The following RALGAPA1 variants were observed in gnomAD, a reference collection of about 807,000 sequenced individuals.
RALGAPA1 encodes the protein ral GTPase-activating protein subunit alpha-1.
Under a neutral mutation model 269.6 loss-of-function variants are expected in RALGAPA1, and 52 were observed. The observed-to-expected ratio is 0.19, with a 90% CI of 0.15 to 0.24. RALGAPA1 has a LOEUF of 0.24. RALGAPA1 is among the 10% of genes least tolerant of loss of function. The pLI is 1.00. For synonymous variants in RALGAPA1, 817 were observed against 1,008.3 expected (o/e 0.81, Z 3.60); for missense variants, 1,917 against 3,013.9 (o/e 0.64, Z 8.52).
chr14:35,718,644 C>T (rs1459965990), intron 16 of RALGAPA1, among the ~76,000 whole-genome samples: 4 of 151,796 alleles, frequency 2.6e-5, no homozygotes, highest in Admixed American at 6.6e-5. Context: ...GGTGAAACTC[C>T]GTGTCCACTA....
At chr14:35,655,262 T>G (rs1476307819) in intron 29 of RALGAPA1, among the ~76,000 whole-genome samples, 8 of 152,156 alleles carry the variant, frequency 5.3e-5, no homozygotes, top group Non-Finnish European at 1.2e-4. Flanking sequence ...ATACAGGTGC[T>G]GTGGGTTTTA....
chr14:35,647,552 C>T (rs2062516305), intron 31 of RALGAPA1, among the ~76,000 whole-genome samples: 1 of 151,928 alleles, frequency 6.6e-6, no homozygotes, highest in African/African-American at 2.4e-5. Flanking sequence ...TAATAAAAAC[C>T]CAATTCAAAA....
chr14:35,544,280 T>C (rs891833248), intron 41 of RALGAPA1, among the ~76,000 whole-genome samples: 2 of 152,170 alleles, frequency 1.3e-5, no homozygotes, highest in Non-Finnish European at 2.9e-5. Context: ...ATTTATAATT[T>C]GTAAATATGA....
At chr14:35,738,082 T>TC (rs2071196823) in intron 12 of RALGAPA1, among the ~76,000 whole-genome samples, 2 of 138,214 alleles carry the variant, frequency 1.4e-5, no homozygotes, top group Non-Finnish European at 1.5e-5. Flanking sequence ...GAGCGAAAAC[T>TC]CCATCTCAAA....
chr14:35,696,903 A>G (rs2066945333), intron 17 of RALGAPA1, among the ~76,000 whole-genome samples: 1 of 152,210 alleles, frequency 6.6e-6, no homozygotes, highest in East Asian at 1.9e-4. Flanking sequence ...CTTTCTTATT[A>G]ATTCTCTGCA....
chr14:35,756,644 A>G (rs2073202235), intron 7 of RALGAPA1, 149 bp downstream of exon 7: 2 of 476,606 alleles, frequency 4.2e-6, no homozygotes, highest in African/African-American at 4.0e-5. Context: ...AGCTAATTAA[A>G]AGCAAGCCAT....
chr14:35,634,198 T>C (rs1028183596), intron 33 of RALGAPA1, among the ~76,000 whole-genome samples: 71 of 152,230 alleles, frequency 4.7e-4, no homozygotes, highest in African/African-American at 1.7e-3. Context: ...AAATTTTGAG[T>C]GTTGGCATGA....
chr14:35,727,310 C>CTAT (rs1272821476), intron 13 of RALGAPA1, among the ~76,000 whole-genome samples: 4 of 104,476 alleles, frequency 3.8e-5, no homozygotes, highest in African/African-American at 1.2e-4. Flanking sequence ...AAAATTATGG[C>CTAT]ATATATATAT....
chr14:35,777,801 A>C (rs1595522984), intron 1 of RALGAPA1, among the ~76,000 whole-genome samples: 1 of 152,096 alleles, frequency 6.6e-6, no homozygotes, highest in Non-Finnish European at 1.5e-5. Context: ...CGCCCGCCTC[A>C]GTCTCCCAAA....
chr14:35,693,526 C>T (rs1288919313), intron 17 of RALGAPA1, among the ~76,000 whole-genome samples: 5 of 151,830 alleles, frequency 3.3e-5, no homozygotes, highest in African/African-American at 1.2e-4. Context: ...TGTCCTCTTA[C>T]TCTCCCAGAG....
chr14:35,769,394 A>G (rs1595495006), intron 4 of RALGAPA1, among the ~76,000 whole-genome samples: 1 of 152,248 alleles, frequency 6.6e-6, no homozygotes, highest in East Asian at 1.9e-4. Flanking sequence ...AGTGGGAGCT[A>G]AACACTGGGT....
At chr14:35,541,830 T>G in intron 41 of RALGAPA1, 1 of 457,542 alleles carries the variant, frequency 2.2e-6, no homozygotes, top group South Asian at 1.5e-5. Context: ...AGAAATGGAG[T>G]AGCAAGCAGA....
At chr14:35,678,266 A>G (rs1011395385) in intron 21 of RALGAPA1, among the ~76,000 whole-genome samples, 164 bp from the exon 22 acceptor site, 17 of 152,208 alleles carry the variant, frequency 1.1e-4, no homozygotes, top group Non-Finnish European at 1.8e-4. Flanking sequence ...ACAAGCTTTT[A>G]TATCTAGGAG....
intron 16 of RALGAPA1, among the ~76,000 whole-genome samples, chr14:35,719,803 G>GCACCAGGCTTGATCTCTGCCC (rs2069210885): frequency 7.1e-6 from 1 of 140,226 alleles, no homozygotes; most frequent in East Asian, 2.2e-4. Context: ...TCCCTCTGTC[G>GCACCAGGCTTGATCTCTGCCC]CTCCAGGCTT....
intron 17 of RALGAPA1, among the ~76,000 whole-genome samples, chr14:35,694,203 T>A (rs2066722827): frequency 6.6e-6 from 1 of 152,128 alleles, no homozygotes; most frequent in Non-Finnish European, 1.5e-5. Context: ...AAATGAATCA[T>A]AGAATCAAGG....
At chr14:35,673,383 CTG>C (rs1334949314) in intron 24 of RALGAPA1, among the ~76,000 whole-genome samples, 1 of 151,578 alleles carries the variant, frequency 6.6e-6, no homozygotes, top group African/African-American at 2.4e-5. Context: ...TAGAGAAACT[CTG>C]TCTTTACAAA....
In RALGAPA1 at chr14:35,798,376, A is replaced by G. The variant is rs567721949; in HGVS notation, c.106+10354T>C. On this transcript the variant is annotated intron_variant, in intron 1 of 41. Transcript: ENST00000680220. ...ATTTTCTGTAGAGACAGGGTCTTGCATTGTTGCCCAGGCTGGTCTCAAACT... is the reference window on the plus strand; with the variant it reads ...ATTTTCTGTAGAGACAGGGTCTTGCGTTGTTGCCCAGGCTGGTCTCAAACT... Among the ~76,000 whole-genome samples, 324 of 149,808 alleles carry G rather than the reference A, an allele frequency of 2.2e-3. 4 individuals carry two copies. Among genetic ancestry groups the G allele is most frequent in the African/African-American group, 7.6e-3 (311 of 40,744 alleles).
intron 19 of RALGAPA1, among the ~76,000 whole-genome samples, chr14:35,685,921 C>T (rs1270316885): frequency 6.6e-6 from 1 of 152,030 alleles, no homozygotes; most frequent in Non-Finnish European, 1.5e-5. Context: ...TATATTTATC[C>T]TTCCCTAACA....
At chr14:35,717,482 T>C (rs945864622) in intron 16 of RALGAPA1, among the ~76,000 whole-genome samples, 2 of 152,172 alleles carry the variant, frequency 1.3e-5, no homozygotes, top group South Asian at 4.1e-4. Context: ...CACAAAATTA[T>C]AAAATGTATA....
Sources: allele counts gnomAD v4.1 joint callset (sites outside exome capture counted in the v4.1 genomes callset), GRCh38; gene constraint gnomAD v4.1.1; transcripts MANE v1.5; gene names NCBI Gene and HGNC (gene_info 2026-07-23, HGNC 2026-07-21).